Variants in CATSPERD observed in about 807,000 individuals in gnomAD.
CATSPERD encodes the protein cation channel sperm-associated auxiliary subunit delta.
A neutral mutation model predicts 98.1 loss-of-function variants in CATSPERD; 86 were observed. The ratio of observed to expected loss-of-function variants is 0.88; its 90% CI spans 0.74 to 1.05. CATSPERD has a LOEUF of 1.05. CATSPERD is among the 50% of genes least tolerant of loss of function. CATSPERD has a pLI of 0.00. For missense variants in CATSPERD, 995 were observed against 1,005.7 expected (o/e 0.99, Z 0.14); for synonymous variants, 394 against 390.2 (o/e 1.01, Z -0.12).
At chr19:5,748,118 G>C (rs1442312870) in intron 9 of CATSPERD, 42 bp from the exon 10 acceptor site, 18 of 1,534,500 alleles carry the variant, frequency 1.2e-5, no homozygotes, top group Non-Finnish European at 1.6e-5. Flanking sequence ...CCTTTCCCAG[G>C]ATGTACACGG....
intron 7 of CATSPERD, among the ~76,000 whole-genome samples, chr19:5,740,494 G>A (rs1395575881): frequency 4.6e-5 from 7 of 151,732 alleles, no homozygotes; most frequent in African/African-American, 7.3e-5. Context: ...GGCTGAGGCC[G>A]GAGAATCACT....
At chr19:5,741,799 T>C (rs58406958) in intron 7 of CATSPERD, among the ~76,000 whole-genome samples, 8,071 of 15,346 alleles carry the variant, frequency 0.53, 2,838 homozygotes, top group East Asian at 0.88. Context: ...GGGGGGGGGG[T>C]GGTGTGGATC....
intron 8 of CATSPERD, 128 bp from the exon 9 acceptor site, chr19:5,745,785 C>T: frequency 1.3e-6 from 1 of 790,614 alleles, no homozygotes; most frequent in African/African-American, 1.7e-5. Context: ...GAAAGGCAGA[C>T]TTGTGGCTTC....
intron 14 of CATSPERD, among the ~76,000 whole-genome samples, 154 bp downstream of exon 14, chr19:5,758,086 A>G (rs2056361279): frequency 6.6e-6 from 1 of 151,948 alleles, no homozygotes; most frequent in Non-Finnish European, 1.5e-5. Context: ...CGTCAACCAC[A>G]CGCTTGACCT....
chr19:5,748,098 G>A (rs2056129859), intron 9 of CATSPERD, 62 bp from the exon 10 acceptor site: 1 of 1,407,538 alleles, frequency 7.1e-7, no homozygotes, highest in Middle Eastern at 1.8e-4. Flanking sequence ...GGTCCCAGTA[G>A]TAGACATCCC....
chr19:5,771,960 TTTTC>T (rs2056652543), intron 19 of CATSPERD: 1 of 182,812 alleles, frequency 5.5e-6, no homozygotes, highest in African/African-American at 2.4e-5. Flanking sequence ...TTCTTTTCTT[TTTTC>T]TTTTTTTCTT....
At chr19:5,735,403 C>A (rs565543679) in intron 5 of CATSPERD, among the ~76,000 whole-genome samples, 1 of 151,280 alleles carries the variant, frequency 6.6e-6, no homozygotes, top group Admixed American at 6.6e-5. Flanking sequence ...CTCTGCCTCT[C>A]GGGTTCAAGC....
chr19:5,764,671 C>G (rs1390997064), intron 16 of CATSPERD, among the ~76,000 whole-genome samples: 1 of 151,508 alleles, frequency 6.6e-6, no homozygotes, highest in African/African-American at 2.4e-5. Context: ...GGCTGGAGTG[C>G]AGTGGCGCAA....
chr19:5,750,309 G>T (rs757738894), intron 11 of CATSPERD, among the ~76,000 whole-genome samples: 3 of 150,172 alleles, frequency 2.0e-5, no homozygotes, highest in Admixed American at 1.3e-4. Flanking sequence ...AAAATTAGCC[G>T]GGCGTGGTGG....
At chr19:5,769,370 GGAAGC>G (rs2056604690) in intron 18 of CATSPERD, among the ~76,000 whole-genome samples, 1 of 151,474 alleles carries the variant, frequency 6.6e-6, no homozygotes, top group Non-Finnish European at 1.5e-5. Flanking sequence ...CAGTTCTCAT[GGAAGC>G]TGAGAATGAA....
intron 15 of CATSPERD, among the ~76,000 whole-genome samples, chr19:5,760,193 G>A (rs1208433583): frequency 6.7e-6 from 1 of 150,268 alleles, no homozygotes; most frequent in Admixed American, 6.7e-5. Flanking sequence ...AAGGTCAAGA[G>A]ATCGAGACCA....
At position 5,772,849 on chromosome 19, in the gene CATSPERD, G is replaced by A. The variant is rs775003450; in HGVS notation, c.1825G>A (p.Gly609Arg). ...CGAGTATGTGTTACTGGAGGTGAAC[G>A]GGCAGTTCTCATACTCCTATTCCCT... ...DAEYVLLEVN[G>R]QFSYSYSLTA... The change falls in exon 20 of 22, where the codon GGG becomes AGG. Residue 609 changes from glycine to arginine, a missense_variant. By Grantham distance (125) the Gly-to-Arg change is moderately radical. Around this residue, in one of 3 missense-constraint regions of CATSPERD, gnomAD observed 762 missense variants for 773.7 expected, o/e 0.98. Coordinates refer to ENST00000381624, the MANE Select transcript of CATSPERD (RefSeq NM_152784.4). 1.4e-5 allele frequency: 22 copies of A among 1,614,046 alleles called. No individual in the cohort carries two copies. Among genetic ancestry groups the A allele is most frequent in the South Asian group, 2.2e-5 (2 of 91,080 alleles).
intron 2 of CATSPERD, among the ~76,000 whole-genome samples, chr19:5,726,989 C>T (rs1057476586): frequency 2.0e-5 from 3 of 151,956 alleles, no homozygotes; most frequent in South Asian, 2.1e-4. Context: ...GTCAGGAGAT[C>T]GAGACCATCC....
chr19:5,753,670 G>A, intron 12 of CATSPERD: 2 of 332,502 alleles, frequency 6.0e-6, no homozygotes, highest in Middle Eastern at 4.9e-4. Context: ...AGGAATTTGG[G>A]ACCAGCGTGG....
Position 5,762,059 on chromosome 19 carries a change from T to TATATATATATATATATATATA in CATSPERD, c.1428-1156_1428-1155insATATATATATATATATATATA, listed in dbSNP as rs1491269022. Among the ~76,000 whole-genome samples the TATATATATATATATATATATA allele has an allele frequency of 7.0e-4, 13 of 18,606 alleles. 1 individual carries two copies. Among genetic ancestry groups the TATATATATATATATATATATA allele is most frequent in the Admixed American group, 2.0e-3 (3 of 1,538 alleles). 12.2% of individuals were successfully genotyped at this position (18,606 alleles called of 152,430 possible). A position where few individuals can be genotyped will look rare whatever the true frequency, so the allele number is the denominator to read the frequency against. On this transcript the variant is annotated intron_variant, in intron 15 of 21. Coordinates refer to ENST00000381624, the MANE Select transcript of CATSPERD (RefSeq NM_152784.4). ...GGCCTGCCATATATATATATATATA[T>TATATATATATATATATATATA]TTTTTTTTTTTTTTTTTTTTTTGAG... is the stretch of plus-strand genomic sequence containing the variant.
rs778660807 is a variant in CATSPERD, at chr19:5,746,076, G to T, written c.808+13G>T. ...TCCCATAATGCAGGTGAGCCCAGGG[G>T]CCCAGGGTGGGGCTGCCGCCTGGTG... On this transcript the variant is annotated intron_variant, in intron 9 of 21. Coordinates refer to ENST00000381624, the MANE Select transcript of CATSPERD (RefSeq NM_152784.4). 6.2e-7 allele frequency: 1 copy of T among 1,612,174 alleles called. No individual in the cohort carries two copies. The highest frequency in any genetic ancestry group is 8.5e-7 in the Non-Finnish European group (1 of 1,179,802).
At chr19:5,737,273 C>A in intron 6 of CATSPERD, 68 bp downstream of exon 6, 1 of 1,104,502 alleles carries the variant, frequency 9.1e-7, no homozygotes, top group Non-Finnish European at 1.4e-6. Context: ...CATGAGTAGA[C>A]ATAAAGGCTG....
chr19:5,722,950 A>G (rs982226543), intron 1 of CATSPERD, among the ~76,000 whole-genome samples: 4 of 152,016 alleles, frequency 2.6e-5, no homozygotes, highest in African/African-American at 9.7e-5. Context: ...GCACTTTGGG[A>G]GGTGGAGGCG....
intron 7 of CATSPERD, among the ~76,000 whole-genome samples, chr19:5,743,663 T>TCA (rs2056036729): frequency 7.0e-6 from 1 of 142,056 alleles, no homozygotes. Context: ...TCTCTCTCTC[T>TCA]CTTCCTCTCT....
Sources: allele counts gnomAD v4.1 joint callset (sites outside exome capture counted in the v4.1 genomes callset), GRCh38; gene constraint gnomAD v4.1.1; regional missense constraint gnomAD v4.1.1; transcripts MANE v1.5; gene names NCBI Gene and HGNC (gene_info 2026-07-23, HGNC 2026-07-21).